RIN2: variants seen among roughly 807,000 people sequenced by gnomAD.
RIN2 encodes Ras and Rab interactor 2, also known as RAB5 interacting protein 2.
RIN2 carries 36 observed loss-of-function variants against 78.0 expected under a neutral mutation model. The ratio of observed to expected loss-of-function variants is 0.46; its 90% confidence interval spans 0.35 to 0.61. The LOEUF is 0.61. Ranked by LOEUF, RIN2 falls within the 20% of genes least tolerant of loss-of-function variation. The probability of loss-of-function intolerance (pLI) is 0.00; values close to 1 mark genes in which losing one functional copy is unlikely to be tolerated. For missense variants in RIN2, 1,087 were observed against 1,159.7 expected, an observed-to-expected ratio of 0.94 and a Z score of 0.91; for synonymous variants, 466 against 466.8, an observed-to-expected ratio of 1.00 and a Z score of 0.02.
intron 8 of RIN2, 149 bp from the exon 9 acceptor site, chr20:19,974,505 A>T: frequency 1.4e-6 from 1 of 738,870 alleles, no homozygotes; most frequent in Non-Finnish European, 2.2e-6. Flanking sequence ...CCTTTCCAGT[A>T]AAGGAATGCA....
chr20:19,890,679 C>CAAGAAA, intron 3 of RIN2, among the ~76,000 whole-genome samples: 1 of 64,458 alleles, frequency 1.6e-5, no homozygotes, highest in African/African-American at 5.7e-5. Flanking sequence ...GTTGACTCTA[C>CAAGAAA]AAAAAAAAAA....
At chr20:19,893,942 G>A (rs1391590336) in intron 3 of RIN2, among the ~76,000 whole-genome samples, 1 of 152,048 alleles carries the variant, frequency 6.6e-6, no homozygotes, top group Non-Finnish European at 1.5e-5. Context: ...TGTGATGATG[G>A]GCGCCTGTAT....
chr20:19,782,440 C>T (rs1291406392), intron 1 of RIN2, among the ~76,000 whole-genome samples: 5 of 151,916 alleles, frequency 3.3e-5, no homozygotes, highest in Admixed American at 1.3e-4. Flanking sequence ...TGATGCACGC[C>T]TGTAGTCCCA....
chr20:19,784,548 A>G (rs925276854), intron 1 of RIN2, among the ~76,000 whole-genome samples: 2 of 152,140 alleles, frequency 1.3e-5, no homozygotes, highest in Non-Finnish European at 2.9e-5. Flanking sequence ...ATCTCTTACC[A>G]TAACTTAAAA....
At chr20:19,966,392 G>A (rs554396106) in intron 7 of RIN2, among the ~76,000 whole-genome samples, 76 of 150,910 alleles carry the variant, frequency 5.0e-4, no homozygotes, top group African/African-American at 1.8e-3. Flanking sequence ...GCGTGATCTC[G>A]GCTCACTGCA....
At chr20:19,885,967 G>A (rs2038171618) in intron 2 of RIN2, among the ~76,000 whole-genome samples, 1 of 152,122 alleles carries the variant, frequency 6.6e-6, no homozygotes, top group African/African-American at 2.4e-5. Flanking sequence ...GAGGAGCGGA[G>A]GGGATGGGAA....
rs145497387 is a variant in RIN2, at chr20:19,860,138, A to C, written c.-36-29428A>C. On this transcript the variant is annotated intron_variant, in intron 2 of 12. Transcript: ENST00000255006. Reference sequence around the variant, plus strand: ...ATCTCTGTCACTGGCTGCCCCTTGCACTTCTGGCCTTCCATAGGTGTGATA... The same window carrying C: ...ATCTCTGTCACTGGCTGCCCCTTGCCCTTCTGGCCTTCCATAGGTGTGATA... Among the ~76,000 whole-genome samples, 590 of 152,230 alleles carry C rather than the reference A, an allele frequency of 3.9e-3. 7 individuals are homozygous for C. The South Asian group carries it at 0.043, about 11-fold the overall frequency.
chr20:19,773,330 T>A (rs1352113719), intron 1 of RIN2, among the ~76,000 whole-genome samples: 2 of 152,112 alleles, frequency 1.3e-5, no homozygotes, highest in Non-Finnish European at 2.9e-5. Flanking sequence ...CTCCAACATA[T>A]CTCTTTGTGG....
chr20:19,947,350 A>G (rs183312261), intron 4 of RIN2, among the ~76,000 whole-genome samples: 5 of 152,318 alleles, frequency 3.3e-5, no homozygotes, highest in Admixed American at 2.6e-4. Context: ...CTAAAAAAGT[A>G]TTTTTTAAAA....
At chr20:19,938,494 G>A (rs545822397) in intron 4 of RIN2, among the ~76,000 whole-genome samples, 63 of 152,050 alleles carry the variant, frequency 4.1e-4, no homozygotes, top group African/African-American at 1.3e-3. Flanking sequence ...CAAATTGCTG[G>A]GATTACAAGT....
At chr20:19,822,882 A>T (rs1034716981) in intron 2 of RIN2, among the ~76,000 whole-genome samples, 5 of 152,226 alleles carry the variant, frequency 3.3e-5, no homozygotes, top group African/African-American at 1.2e-4. Flanking sequence ...CTGCAAAAAG[A>T]GGTGACTATT....
At chr20:19,939,371 T>TGGAACCACTTCTCACC (rs1437005791) in intron 4 of RIN2, among the ~76,000 whole-genome samples, 1 of 152,158 alleles carries the variant, frequency 6.6e-6, no homozygotes, top group African/African-American at 2.4e-5. Flanking sequence ...AGATCCAGGA[T>TGGAACCACTTCTCACC]GGAACCACTT....
At chr20:19,832,061 C>CCGTA (rs1271335090) in intron 2 of RIN2, among the ~76,000 whole-genome samples, 2 of 152,000 alleles carry the variant, frequency 1.3e-5, no homozygotes, top group African/African-American at 2.4e-5. Context: ...TGCATTTCAT[C>CCGTA]CGTACACTGT....
chr20:19,924,373 C>A (rs370642223), intron 3 of RIN2, among the ~76,000 whole-genome samples: 4 of 24,656 alleles, frequency 1.6e-4, no homozygotes, highest in Non-Finnish European at 3.0e-4. Context: ...CACCTTCATA[C>A]CCTCACCTTC....
intron 6 of RIN2, among the ~76,000 whole-genome samples, chr20:19,963,211 G>A (rs1257820397): frequency 6.6e-6 from 1 of 152,214 alleles, no homozygotes; most frequent in African/African-American, 2.4e-5. Context: ...ACAAATTGTG[G>A]CACACGTGTG....
At chr20:19,826,759 T>G (rs1365324837) in intron 2 of RIN2, among the ~76,000 whole-genome samples, 1 of 152,192 alleles carries the variant, frequency 6.6e-6, no homozygotes, top group Non-Finnish European at 1.5e-5. Context: ...GGCCTACTCC[T>G]GTTTGGTGGC....
chr20:19,784,254 G>C (rs2034600749), intron 1 of RIN2, among the ~76,000 whole-genome samples: 1 of 152,206 alleles, frequency 6.6e-6, no homozygotes, highest in African/African-American at 2.4e-5. Context: ...TTTGGTGATG[G>C]CTGATGATAT....
intron 3 of RIN2, among the ~76,000 whole-genome samples, chr20:19,922,202 G>C (rs1253783716): frequency 2.0e-5 from 3 of 152,094 alleles, no homozygotes. Flanking sequence ...GACAATGTAG[G>C]TCTCACCTCA....
chr20:19,824,078 T>A (rs1455426266), intron 2 of RIN2: 5 of 611,834 alleles, frequency 8.2e-6, no homozygotes, highest in South Asian at 5.9e-5. Flanking sequence ...GGTATGCACA[T>A]GTGCTGAGTT....
Sources: gnomAD v4.1 joint callset for allele counts (sites outside exome capture counted in the v4.1 genomes callset) on GRCh38, gnomAD v4.1.1 for gene constraint, MANE v1.5 for transcripts, NCBI Gene and HGNC (gene_info 2026-07-23, HGNC 2026-07-21) for gene names.